SAMD12: variants seen among roughly 807,000 people sequenced by gnomAD.
SAMD12 encodes the protein sterile alpha motif domain containing 12, also known as sterile alpha motif domain-containing protein 12.
A neutral mutation model predicts 15.0 loss-of-function variants in SAMD12; 9 were observed. The ratio of observed to expected loss-of-function variants is 0.60; its 90% CI spans 0.36 to 1.05. The LOEUF is 1.05. SAMD12 is among the 50% of genes least tolerant of loss of function. SAMD12 has a pLI of 0.01. For synonymous variants in SAMD12, 86 were observed against 90.1 expected (o/e 0.96, Z 0.25); for missense variants, 230 against 234.2 (o/e 0.98, Z 0.12).
intron 2 of SAMD12, among the ~76,000 whole-genome samples, chr8:118,552,232 A>C (rs2131184634): frequency 6.6e-6 from 1 of 152,238 alleles, no homozygotes; most frequent in East Asian, 1.9e-4. Flanking sequence ...AAAAAAAGAG[A>C]ATTTTAGACC....
At chr8:118,159,215 C>T in the SAMD12 span, among the ~76,000 whole-genome samples, 1 of 152,120 alleles carries the variant, frequency 6.6e-6, no homozygotes, top group Non-Finnish European at 1.5e-5. Flanking sequence ...CTTTGTGTTT[C>T]CTGGTGTCTC....
the SAMD12 span, among the ~76,000 whole-genome samples, chr8:118,131,865 CTGA>C: frequency 6.6e-6 from 1 of 152,120 alleles, no homozygotes; most frequent in Non-Finnish European, 1.5e-5. Flanking sequence ...TATTGCTATC[CTGA>C]TGATAAGAAA....
At position 118,294,672 on chromosome 8, in the gene SAMD12, T is replaced by A. The variant is rs76918808; in HGVS notation, c.433+84888A>T. ...AAAACATAAAAAGTAAAATATTTTTTAAAATTCTTGCAATATGCAGAGTAT... is the reference window on the plus strand; with the variant it reads ...AAAACATAAAAAGTAAAATATTTTTAAAAATTCTTGCAATATGCAGAGTAT... On this transcript the variant is annotated intron_variant, in intron 4 of 4. Coordinates refer to the SAMD12 transcript ENST00000409003. 5.6e-4 allele frequency among the ~76,000 whole-genome samples: 86 copies of A among 152,340 alleles called. 1 individual carries two copies. The East Asian group carries it at 0.016, about 28-fold the overall frequency.
intron 4 of SAMD12, among the ~76,000 whole-genome samples, chr8:118,282,607 T>C (rs1813706405): frequency 6.6e-6 from 1 of 152,154 alleles, no homozygotes; most frequent in Non-Finnish European, 1.5e-5. Flanking sequence ...TGGTGGTTAT[T>C]CTTTATGAAA....
At chr8:118,211,319 T>C (rs183899726) in intron 4 of SAMD12, among the ~76,000 whole-genome samples, 7 of 152,294 alleles carry the variant, frequency 4.6e-5, no homozygotes, top group Non-Finnish European at 1.0e-4. Context: ...CTCATTATGG[T>C]AGGGGCAGTC....
intron 4 of SAMD12, among the ~76,000 whole-genome samples, chr8:118,206,793 T>C (rs144631693): frequency 7.7e-4 from 118 of 152,360 alleles, no homozygotes; most frequent in Admixed American, 1.8e-3. Flanking sequence ...CCCTGTGACT[T>C]TGAATTCATA....
chr8:118,165,793 A>G, the SAMD12 span, among the ~76,000 whole-genome samples: 1 of 151,918 alleles, frequency 6.6e-6, no homozygotes, highest in African/African-American at 2.4e-5. Context: ...CTTCAGATCT[A>G]CAATATCTGA....
At chr8:118,274,210 T>C (rs2130124696) in intron 4 of SAMD12, among the ~76,000 whole-genome samples, 1 of 152,196 alleles carries the variant, frequency 6.6e-6, no homozygotes, top group Middle Eastern at 3.4e-3. Context: ...TAAGTAAAAG[T>C]GTGGACACAG....
At position 118,431,029 on chromosome 8, in the gene SAMD12, ATTAT is replaced by A. The variant is rs1425735511; in HGVS notation, c.322+8799_322+8802del. Among the ~76,000 whole-genome samples, 9 of 152,194 alleles carry A rather than the reference ATTAT, an allele frequency of 5.9e-5. No individual in the cohort carries two copies. In the East Asian group the frequency reaches 1.5e-3, roughly 26 times the overall value. Reference sequence around the variant, plus strand: ...CCATTTCATTTTATCTTCTCAACACATTATTTATCTTTCCTTTATAAAAAAATTT... The same window carrying A: ...CCATTTCATTTTATCTTCTCAACACATTATCTTTCCTTTATAAAAAAATTT... On this transcript the variant is annotated intron_variant, in intron 3 of 3. Transcript: ENST00000314727.
At chr8:118,433,174 T>C (rs1822465550) in intron 3 of SAMD12, among the ~76,000 whole-genome samples, 1 of 152,198 alleles carries the variant, frequency 6.6e-6, no homozygotes, top group Non-Finnish European at 1.5e-5. Context: ...CCCAGTCCCA[T>C]GTTCTGTCCT....
chr8:118,165,921 G>T, the SAMD12 span, among the ~76,000 whole-genome samples: 2 of 151,922 alleles, frequency 1.3e-5, no homozygotes, highest in East Asian at 1.9e-4. Context: ...CTTGAAAAAG[G>T]TCCGCTTTTT....
chr8:118,475,113 C>A (rs774311195), intron 2 of SAMD12, among the ~76,000 whole-genome samples: 1 of 152,158 alleles, frequency 6.6e-6, no homozygotes, highest in Non-Finnish European at 1.5e-5. Flanking sequence ...GTGATGCATG[C>A]CTGTAGTCCC....
intron 4 of SAMD12, among the ~76,000 whole-genome samples, chr8:118,208,834 C>T (rs1819939880): frequency 6.6e-6 from 1 of 152,160 alleles, no homozygotes; most frequent in South Asian, 2.1e-4. Context: ...ACCTAAACAG[C>T]AAGGTGAAGC....
At chr8:118,236,186 G>A (rs1445705346) in intron 4 of SAMD12, among the ~76,000 whole-genome samples, 1 of 152,126 alleles carries the variant, frequency 6.6e-6, no homozygotes, top group Non-Finnish European at 1.5e-5. Context: ...AACGATATTT[G>A]TTTTCTTAAA....
At chr8:118,320,127 T>G (rs550014347) in intron 4 of SAMD12, among the ~76,000 whole-genome samples, 52 of 152,294 alleles carry the variant, frequency 3.4e-4, no homozygotes, top group Middle Eastern at 3.4e-3. Context: ...AGCGATCAAC[T>G]GTGGCAAAAT....
intron 2 of SAMD12, among the ~76,000 whole-genome samples, chr8:118,518,576 A>G (rs1269812294): frequency 6.6e-6 from 1 of 152,162 alleles, no homozygotes; most frequent in Non-Finnish European, 1.5e-5. Context: ...AATACTTTCT[A>G]TGCTATCAAC....
At chr8:118,178,476 TG>T in the SAMD12 span, among the ~76,000 whole-genome samples, 2 of 152,086 alleles carry the variant, frequency 1.3e-5, no homozygotes, top group Admixed American at 6.6e-5. Context: ...TAAAAAAAAT[TG>T]TTTTTTTTAG....
chr8:118,301,073 A>T (rs1814997745), intron 4 of SAMD12, among the ~76,000 whole-genome samples: 1 of 152,244 alleles, frequency 6.6e-6, no homozygotes, highest in African/African-American at 2.4e-5. Flanking sequence ...AACAAGCCAG[A>T]GTAGAAATGC....
intron 4 of SAMD12, chr8:118,282,402 C>T (rs560699260): frequency 4.8e-5 from 22 of 454,934 alleles, no homozygotes; most frequent in Admixed American, 4.2e-4. Context: ...GCTCCAGCAC[C>T]TGCCTATTCC....
Sources: allele counts gnomAD v4.1 joint callset (sites outside exome capture counted in the v4.1 genomes callset), GRCh38; gene constraint gnomAD v4.1.1; transcripts MANE v1.5; gene names NCBI Gene and HGNC (gene_info 2026-07-23, HGNC 2026-07-21).